Variants in MOV10L1 observed in about 807,000 individuals in gnomAD.
The protein encoded by MOV10L1 is RNA helicase Mov10l1.
In MOV10L1, 110 loss-of-function variants were observed where a neutral mutation model predicts 143.8. That is an observed-to-expected ratio of 0.76 (90% CI 0.66 to 0.90). The LOEUF (loss-of-function observed/expected upper bound fraction) is 0.90, where lower values mean the gene tolerates loss of function less well. Ranked by LOEUF, MOV10L1 falls within the 40% of genes least tolerant of loss-of-function variation. The pLI, the probability that MOV10L1 is intolerant of heterozygous loss-of-function variation, is 0.00. For synonymous variants in MOV10L1, 593 were observed against 581.1 expected (o/e 1.02, Z -0.29); for missense variants, 1,406 against 1,526.8 (o/e 0.92, Z 1.32).
intron 22 of MOV10L1, among the ~76,000 whole-genome samples, chr22:50,155,244 T>C (rs1444015969): frequency 6.7e-6 from 1 of 149,846 alleles, no homozygotes; most frequent in Non-Finnish European, 1.5e-5. Flanking sequence ...TGGTCACTTT[T>C]TTGGGGGTTG....
rs762620908 is a variant in MOV10L1, at chr22:50,153,136, C to T, written c.2984C>T (p.Ala995Val). 5.6e-6 allele frequency: 9 copies of T among 1,613,950 alleles called. No homozygotes were observed. The East Asian group carries it at 6.7e-5, about 12-fold the overall frequency. Residue 995 changes from alanine (A) to valine (V), a missense_variant, in exon 22 of 27, where the codon GCG becomes GTG. Ala to Val is a moderately conservative substitution (Grantham distance 64). Around this residue, in one of 3 missense-constraint regions of MOV10L1, gnomAD observed 1,233 missense variants for 1,351.4 expected, o/e 0.91. Transcript: ENST00000262794. Reference protein sequence around the residue: ...LFYHRELEVCADPTVVTSLLG... With the variant: ...LFYHRELEVCVDPTVVTSLLG... ...TACCACAGGGAACTCGAGGTCTGTG[C>T]GGACCCCACAGTGGTGACCTCCTTG... is the stretch of plus-strand genomic sequence containing the variant.
chr22:50,154,664 C>T (rs1211703382), intron 22 of MOV10L1, among the ~76,000 whole-genome samples: 5 of 152,152 alleles, frequency 3.3e-5, no homozygotes, highest in South Asian at 2.1e-4. Flanking sequence ...TAGGCCATGG[C>T]GGAGAAGAGT....
At chr22:50,104,728 C>T (rs1300045822) in intron 3 of MOV10L1, among the ~76,000 whole-genome samples, 4 of 151,932 alleles carry the variant, frequency 2.6e-5, no homozygotes, top group African/African-American at 9.7e-5. Flanking sequence ...TATTAACATA[C>T]TTTAATATCT....
chr22:50,142,203 AG>A lies in MOV10L1; in HGVS notation c.2179+18del. The A allele has an allele frequency of 6.3e-7, 1 of 1,594,240 alleles. No homozygotes were observed. Among genetic ancestry groups the A allele is most frequent in the South Asian group, 1.1e-5 (1 of 88,244 alleles). On this transcript the variant is annotated intron_variant, in intron 16 of 26. Transcript: ENST00000262794. ...TGAGCGATTGGGGTATGTGCTCATG[AG>A]GGGCAAGGAGAAGAGCAACTCTGAG...
intron 10 of MOV10L1, among the ~76,000 whole-genome samples, chr22:50,124,291 T>G (rs1052102810): frequency 1.3e-5 from 2 of 152,182 alleles, no homozygotes; most frequent in Non-Finnish European, 2.9e-5. Flanking sequence ...TGTATTGTGT[T>G]TTTGTTTTTA....
chr22:50,128,876 AG>A (rs1211791503), intron 13 of MOV10L1, among the ~76,000 whole-genome samples: 2 of 150,688 alleles, frequency 1.3e-5, no homozygotes, highest in Non-Finnish European at 3.0e-5. Context: ...ATGGGGTCCC[AG>A]GCTGGTCATA....
At chr22:50,097,351 C>T (rs185134861) in intron 2 of MOV10L1, among the ~76,000 whole-genome samples, 2 of 152,120 alleles carry the variant, frequency 1.3e-5, no homozygotes, top group African/African-American at 2.4e-5. Context: ...TCAAGTGATC[C>T]GCCCATCCCA....
intron 2 of MOV10L1, among the ~76,000 whole-genome samples, chr22:50,097,795 C>G (rs758212559): frequency 5.2e-4 from 79 of 151,874 alleles, no homozygotes; most frequent in Non-Finnish European, 1.1e-3. Flanking sequence ...AAAAATAGAC[C>G]CATAGGACTT....
chr22:50,138,869 A>G (rs748296900), intron 15 of MOV10L1, among the ~76,000 whole-genome samples: 8 of 151,932 alleles, frequency 5.3e-5, no homozygotes, highest in Non-Finnish European at 1.0e-4. Flanking sequence ...ACACCCTGCT[A>G]ATTTTTGTAT....
intron 3 of MOV10L1, 91 bp from the exon 4 acceptor site, chr22:50,108,045 C>A: frequency 8.8e-7 from 1 of 1,137,620 alleles, no homozygotes. Context: ...AATGTATCCT[C>A]AGGTATGATA....
Position 50,144,205 on chromosome 22 carries a change from A to G in MOV10L1, c.2467A>G (p.Thr823Ala), listed in dbSNP as rs2147360136. ...LHESKVLQPA[T>A]MVRVNATCRF... ...CGAGAGCAAGGTGCTACAGCCGGCCACCATGGTCCGGGTGAACGCCACCTG... is the reference window on the plus strand; with the variant it reads ...CGAGAGCAAGGTGCTACAGCCGGCCGCCATGGTCCGGGTGAACGCCACCTG... Residue 823 changes from threonine (T) to alanine (A), a missense_variant, in exon 18 of 27, where the codon ACC (threonine) becomes GCC (alanine). This residue lies in a region of MOV10L1 where 1,233 missense variants were observed against 1,351.4 expected (regional missense o/e 0.91). Coordinates refer to ENST00000262794, the MANE Select transcript of MOV10L1 (RefSeq NM_018995.3). 1 of 1,610,908 alleles carries G rather than the reference A, an allele frequency of 6.2e-7. No homozygotes were observed. Among genetic ancestry groups the G allele is most frequent in the Non-Finnish European group, 8.5e-7 (1 of 1,177,484 alleles).
chr22:50,134,097 C>T (rs760676905), intron 14 of MOV10L1, 32 bp downstream of exon 14: 8 of 1,544,218 alleles, frequency 5.2e-6, no homozygotes, highest in East Asian at 2.3e-5. Context: ...AGTGTTACAT[C>T]TTCACAGAGT....
intron 1 of MOV10L1, 171 bp downstream of exon 1, chr22:50,090,356 C>T (rs1313915658): frequency 3.9e-6 from 6 of 1,519,414 alleles, no homozygotes; most frequent in Non-Finnish European, 5.3e-6. Flanking sequence ...AGGCTTCCGA[C>T]CCCACAGCAT....
Position 50,139,626 on chromosome 22 carries a change from C to G in MOV10L1, c.2071-2455C>G, listed in dbSNP as rs79922710. Among the ~76,000 whole-genome samples, 750 of 152,082 alleles carry G rather than the reference C, an allele frequency of 4.9e-3. 7 individuals carry two copies. Among genetic ancestry groups the G allele is most frequent in the Middle Eastern group, 0.024 (7 of 288 alleles). ...TAGAGAAAATATTTGCAAATCACAT[C>G]TGATCAAGAACTTGTATTCGGAAAA... On this transcript the variant is annotated intron_variant, in intron 15 of 26. Coordinates refer to ENST00000262794, the MANE Select transcript of MOV10L1 (RefSeq NM_018995.3).
chr22:50,118,828 A>G (rs1480907050), intron 9 of MOV10L1, among the ~76,000 whole-genome samples: 1 of 152,230 alleles, frequency 6.6e-6, no homozygotes, highest in Non-Finnish European at 1.5e-5. Context: ...GATCTCAGCC[A>G]GTCCTTTGAT....
chr22:50,142,843 A>G (rs2147349049), intron 16 of MOV10L1, among the ~76,000 whole-genome samples, 200 bp from the exon 17 acceptor site: 1 of 149,240 alleles, frequency 6.7e-6, no homozygotes, highest in African/African-American at 2.5e-5. Flanking sequence ...CTCAAAAAAG[A>G]AAAAAAAAAT....
intron 8 of MOV10L1, among the ~76,000 whole-genome samples, chr22:50,116,372 G>T (rs1352962321): frequency 6.6e-6 from 1 of 151,614 alleles, no homozygotes; most frequent in Non-Finnish European, 1.5e-5. Context: ...GCGTGAACCT[G>T]GGAGGCGGAG....
intron 12 of MOV10L1, 136 bp from the exon 13 acceptor site, chr22:50,128,279 AT>A: frequency 1.6e-6 from 1 of 606,220 alleles, no homozygotes; most frequent in Non-Finnish European, 3.0e-6. Context: ...TGGCGTAATG[AT>A]TTAATCCTTT....
chr22:50,146,063 T>A (rs2063144694), intron 19 of MOV10L1, among the ~76,000 whole-genome samples: 2 of 151,636 alleles, frequency 1.3e-5, no homozygotes, highest in Non-Finnish European at 2.9e-5. Context: ...GGCCCCGCGG[T>A]GGGGGAGCAC....
Sources: gnomAD v4.1 joint callset for allele counts (sites outside exome capture counted in the v4.1 genomes callset) on GRCh38, gnomAD v4.1.1 for gene constraint, gnomAD v4.1.1 regional missense constraint, MANE v1.5 for transcripts, NCBI Gene and HGNC (gene_info 2026-07-23, HGNC 2026-07-21) for gene names.